Variants in PRC1 observed in about 807,000 individuals in gnomAD.
PRC1 encodes the protein protein regulator of cytokinesis 1, also known as anaphase spindle elongation 1 homolog.
In PRC1, 54 loss-of-function variants were observed where a neutral mutation model predicts 91.2. The observed-to-expected ratio is 0.59, with a 90% CI of 0.48 to 0.74. The LOEUF (loss-of-function observed/expected upper bound fraction) is 0.74. Ranked by LOEUF, PRC1 falls within the 30% of genes least tolerant of loss-of-function variation. The pLI is 0.00. For synonymous variants in PRC1, 275 were observed against 263.6 expected, an observed-to-expected ratio of 1.04 and a Z score of -0.42; for missense variants, 727 against 746.2, an observed-to-expected ratio of 0.97 and a Z score of 0.30.
chr15:90,980,610 C>T (rs1159830750), intron 6 of PRC1: 1 of 690,162 alleles, frequency 1.4e-6, no homozygotes. Flanking sequence ...CCCTCCACCT[C>T]CCAGGCTCAA....
Position 90,975,816 on chromosome 15 carries a change from T to A in PRC1, c.1203+860A>T, listed in dbSNP as rs182882811. ...CTGGTCAACACAGCGAGACCCCATC[T>A]CTTGCGGGGGGAAAAAAGAAAGAAT... is the stretch of plus-strand genomic sequence containing the variant. On this transcript the variant is annotated intron_variant, in intron 9 of 14. Coordinates refer to ENST00000394249, the MANE Select transcript of PRC1 (RefSeq NM_003981.4). Among the ~76,000 whole-genome samples the A allele has an allele frequency of 5.9e-5, 9 of 152,210 alleles. No individual in the cohort carries two copies. The East Asian group carries it at 1.2e-3, about 20-fold the overall frequency.
rs2037568751 is a variant in PRC1 at position 90,967,144 on chromosome 15, T to G, written c.1850A>C (p.Asn617Thr). Residue 617 changes from asparagine (N) to threonine (T), a missense_variant, in exon 15 of 15, where the codon AAC (asparagine) becomes ACC (threonine). Transcript: ENST00000394249. ...DATSGILNST[N>T]IQS Reference sequence around the variant, plus strand: ...GATCAGGGCTTCTCAGGACTGGATGTTGGTTGAATTGAGGATTCCAGAAGT... The same window carrying G: ...GATCAGGGCTTCTCAGGACTGGATGGTGGTTGAATTGAGGATTCCAGAAGT... 2 of 1,613,844 alleles carry G rather than the reference T, an allele frequency of 1.2e-6. No individual in the cohort carries two copies. Among genetic ancestry groups the G allele is most frequent in the South Asian group, 1.1e-5 (1 of 91,084 alleles).
rs777602206 is a variant in PRC1 at position 90,970,406 on chromosome 15, T to C, written c.1570A>G (p.Lys524Glu). 6.3e-7 allele frequency: 1 copy of C among 1,596,048 alleles called. No individual in the cohort carries two copies. The highest frequency in any genetic ancestry group is 1.7e-5 in the Admixed American group (1 of 59,980). ...PVSRLPPSGS[K>E]PVAASTCSGK... is the part of the protein sequence containing the mutation. ...GCTTAGACACAGGGCATACTAACCT[T>C]GCTGCCAGAAGGAGGAAGTCGAGAC... The change falls in exon 12 of 15, where the codon AAG becomes GAG. Residue 524 changes from lysine (K) to glutamate (E), a missense_variant and splice_region_variant. Coordinates refer to ENST00000394249, the MANE Select transcript of PRC1 (RefSeq NM_003981.4).
chr15:90,994,155 C>T (rs1339456084), intron 1 of PRC1, among the ~76,000 whole-genome samples: 1 of 152,008 alleles, frequency 6.6e-6, no homozygotes, highest in Admixed American at 6.5e-5. Context: ...GCTCGGCTCC[C>T]ACCCGGGCGT....
chr15:90,974,972 G>A lies in PRC1; in HGVS notation c.1204-241C>T, dbSNP rs1596296265. Reference sequence around the variant, plus strand: ...CCAAAGTTTGACCACTAAGGTTTTGGTGCCTGAAGTTGGAGGCAGCACAGG... The same window carrying A: ...CCAAAGTTTGACCACTAAGGTTTTGATGCCTGAAGTTGGAGGCAGCACAGG... On this transcript the variant is annotated intron_variant, in intron 9 of 14. Transcript: ENST00000394249. This position sits in a 1 kb window ranked among gnomAD's most constrained non-coding sequence, Gnocchi z 4.6. Among the ~76,000 whole-genome samples the A allele has an allele frequency of 6.6e-6, 1 of 152,212 alleles. No homozygotes were observed. Among genetic ancestry groups the A allele is most frequent in the Non-Finnish European group, 1.5e-5 (1 of 68,042 alleles).
rs1238185458 is a variant in PRC1 at position 90,984,810 on chromosome 15, C to A, written c.27G>T (p.Glu9Asp). 6 of 1,614,070 alleles carry A rather than the reference C, an allele frequency of 3.7e-6. No homozygotes were observed. The highest frequency in any genetic ancestry group is 8.5e-7 in the Non-Finnish European group (1 of 1,180,042). Residue 9 changes from glutamate to aspartate, a missense_variant, in exon 2 of 15, where the codon GAG (glutamate) becomes GAT (aspartate). Coordinates refer to ENST00000394249, the MANE Select transcript of PRC1 (RefSeq NM_003981.4). This position sits in a 1 kb window ranked among gnomAD's most constrained non-coding sequence, Gnocchi z 5.1. Reference sequence around the variant, plus strand: ...CTTTCTGCAGACATACTATGGACTCCTCCGCCAGCACCTCACTGAAAACCA... The same window carrying A: ...CTTTCTGCAGACATACTATGGACTCATCCGCCAGCACCTCACTGAAAACCA... The part of the protein sequence containing the change: MRRSEVLA[E>D]ESIVCLQKAL...
chr15:90,991,368 T>G (rs922366742), intron 1 of PRC1, among the ~76,000 whole-genome samples: 1 of 150,992 alleles, frequency 6.6e-6, no homozygotes, highest in Non-Finnish European at 1.5e-5. Context: ...GAGGTTGCAG[T>G]GAGCTGAGAT....
rs1214526283 is a variant in PRC1 at position 90,968,817 on chromosome 15, G to A, written c.1791+262C>T. On this transcript the variant is annotated intron_variant, in intron 14 of 14. Coordinates refer to ENST00000394249, the MANE Select transcript of PRC1 (RefSeq NM_003981.4). ...GCCTTTGATGTCACAATTGGGGAGG[G>A]TCAAGGTTTTCTGTTAAACGTGATT... The A allele has an allele frequency of 2.3e-5, 29 of 1,281,548 alleles. No individual in the cohort carries two copies. In the Middle Eastern group the frequency reaches 9.6e-4, roughly 42 times the overall value. 79.4% of individuals were successfully genotyped at this position (1,281,548 alleles called of 1,614,324 possible). A position where few individuals can be genotyped will look rare whatever the true frequency, so the allele number is the denominator to read the frequency against.
At chr15:90,967,237 G>T in intron 14 of PRC1, 35 bp from the exon 15 acceptor site, 1 of 1,554,864 alleles carries the variant, frequency 6.4e-7, no homozygotes, top group Non-Finnish European at 8.9e-7. Context: ...TGGCCATACT[G>T]CCTCTCTTAC....
At chr15:90,976,414 C>CATGATCAAGACCA (rs2038705443) in intron 9 of PRC1, among the ~76,000 whole-genome samples, 2 of 151,712 alleles carry the variant, frequency 1.3e-5, no homozygotes, top group African/African-American at 4.8e-5. Flanking sequence ...CTCCTGACCT[C>CATGATCAAGACCA]GCGATATGCC....
intron 12 of PRC1, 62 bp downstream of exon 12, chr15:90,970,342 G>A (rs2038002800): frequency 2.5e-6 from 3 of 1,219,596 alleles, no homozygotes; most frequent in South Asian, 1.3e-5. Flanking sequence ...AGTAGGTGGG[G>A]CCTCTGGGTG....
intron 14 of PRC1, chr15:90,967,508 G>A (rs1470499086): frequency 6.3e-6 from 2 of 319,454 alleles, no homozygotes; most frequent in Non-Finnish European, 5.8e-6. Context: ...TTCAGTTAAC[G>A]ACAGGCCACA....
At chr15:90,980,545 G>A (rs1433592055) in intron 6 of PRC1, 156 bp from the exon 7 acceptor site, 3 of 874,084 alleles carry the variant, frequency 3.4e-6, no homozygotes, top group African/African-American at 1.8e-5. Flanking sequence ...TTGAGACAGG[G>A]TCTCACTCTC....
rs2038481131 is a variant in PRC1 at position 90,974,436 on chromosome 15, G to GTTCCACAAGCCCCGGTCCCCGGCTCCCCA, written c.1350+148_1350+149insTGGGGAGCCGGGGACCGGGGCTTGTGGAA. 1.0e-5 allele frequency: 13 copies of GTTCCACAAGCCCCGGTCCCCGGCTCCCCA among 1,260,626 alleles called. No individual in the cohort carries two copies. In the African/African-American group the frequency reaches 1.1e-4, roughly 11 times the overall value. 78.1% of individuals were successfully genotyped at this position (1,260,626 alleles called of 1,614,324 possible). ...CACAAGCCCCGGTCCCCGGCTCCCC[G>GTTCCACAAGCCCCGGTCCCCGGCTCCCCA]TTCCACAAGCCCCGGTCCCCGGCTT... is the stretch of plus-strand genomic sequence containing the variant. On this transcript the variant is annotated intron_variant, in intron 10 of 14. Transcript: ENST00000394249. This position sits in a 1 kb window ranked among gnomAD's most constrained non-coding sequence, Gnocchi z 4.6.
chr15:90,981,595 T>C lies in PRC1; in HGVS notation c.576A>G (p.Pro192=), dbSNP rs768541107. 5 of 1,613,904 alleles carry C rather than the reference T, an allele frequency of 3.1e-6. No homozygotes were observed. Among genetic ancestry groups the C allele is most frequent in the Non-Finnish European group, 4.2e-6 (5 of 1,179,958 alleles). Residue 192 remains proline (P), a synonymous_variant, in exon 5 of 15, where the codon CCA becomes CCG. Transcript: ENST00000394249. ...ILCMEALDHT[P]DTSFERDVVC... Reference sequence around the variant, plus strand: ...CCACATCTCTTTCAAAGCTTGTGTCTGGGGTGTGGTCTAATGCTTCCATAC... The same window carrying C: ...CCACATCTCTTTCAAAGCTTGTGTCCGGGGTGTGGTCTAATGCTTCCATAC...
Position 90,981,004 on chromosome 15 carries a change from T to G in PRC1, c.702A>C (p.Ala234=). The G allele has an allele frequency of 3.1e-6, 5 of 1,614,220 alleles. No individual in the cohort carries two copies. Among genetic ancestry groups the G allele is most frequent in the Non-Finnish European group, 4.2e-6 (5 of 1,180,028 alleles). ...QLEMQKSQNE[A]VCEGLRTQIR... ...TTTGAGTACGCAGCCCCTCACACACTGCTTCATTTTGTGATTTCTGCATTT... is the reference window on the plus strand; with the variant it reads ...TTTGAGTACGCAGCCCCTCACACACGGCTTCATTTTGTGATTTCTGCATTT... Residue 234 remains alanine (A), a synonymous_variant, in exon 6 of 15, where the codon GCA becomes GCC. Coordinates refer to ENST00000394249, the MANE Select transcript of PRC1 (RefSeq NM_003981.4).
chr15:90,980,706 A>T (rs965995036), intron 6 of PRC1, among the ~76,000 whole-genome samples, 178 bp downstream of exon 6: 1 of 151,936 alleles, frequency 6.6e-6, no homozygotes, highest in Admixed American at 6.6e-5. Flanking sequence ...GGGTTTCGCC[A>T]TGTTGTCCAG....
At position 90,974,475 on chromosome 15, in the gene PRC1, C is replaced by T. The variant is rs1349546042; in HGVS notation, c.1350+110G>A. 3 of 1,479,792 alleles carry T rather than the reference C, an allele frequency of 2.0e-6. No homozygotes were observed. Among genetic ancestry groups the T allele is most frequent in the African/African-American group, 2.8e-5 (2 of 71,024 alleles). The allele number at this position is 1,479,792 out of a possible 1,614,324, so 91.7% of individuals were successfully genotyped here. On this transcript the variant is annotated intron_variant, in intron 10 of 14. Transcript: ENST00000394249. The surrounding 1 kb of genome is among the most constrained non-coding windows in gnomAD (Gnocchi z 4.6). Reference sequence around the variant, plus strand: ...GGTCCCCGGCTTCCCGTTCCACAAGCCCCGGTCCCCGGCTCCCTGTTCCAC... The same window carrying T: ...GGTCCCCGGCTTCCCGTTCCACAAGTCCCGGTCCCCGGCTCCCTGTTCCAC...
intron 6 of PRC1, chr15:90,980,656 A>T: frequency 1.5e-6 from 1 of 688,210 alleles, no homozygotes; most frequent in South Asian, 2.0e-5. Flanking sequence ...AGTAGCTGGG[A>T]TTACAGGCGC....
Sources: allele counts gnomAD v4.1 joint callset (sites outside exome capture counted in the v4.1 genomes callset), GRCh38; gene constraint gnomAD v4.1.1; non-coding constraint Gnocchi (gnomAD v3.1); transcripts MANE v1.5; gene names NCBI Gene and HGNC (gene_info 2026-07-23, HGNC 2026-07-21).